The following BTRC variants were observed in gnomAD, a reference collection of about 807,000 sequenced individuals.
The protein encoded by BTRC is F-box/WD repeat-containing protein 1A.
Under a neutral mutation model 85.5 loss-of-function variants are expected in BTRC, and 42 were observed. That is an observed-to-expected ratio of 0.49 (90% CI 0.38 to 0.64). The LOEUF is 0.64. BTRC is among the 30% of genes least tolerant of loss of function. BTRC has a pLI of 0.00. For missense variants in BTRC, 594 were observed against 743.5 expected (o/e 0.80, Z 2.34); for synonymous variants, 255 against 263.3 (o/e 0.97, Z 0.30).
chr10:101,553,378 T>C lies in BTRC; in HGVS notation c.*255T>C, dbSNP rs2062681899. On this transcript the variant is annotated 3_prime_UTR_variant, in exon 15 of 15. Coordinates refer to ENST00000370187, the MANE Select transcript of BTRC (RefSeq NM_033637.4). Reference sequence around the variant, plus strand: ...GATGTCTTCTATCTTTTGTGAATGATTGGAACTTTTAAACCTCCCCTCCTC... The same window carrying C: ...GATGTCTTCTATCTTTTGTGAATGACTGGAACTTTTAAACCTCCCCTCCTC... 6.5e-6 allele frequency: 1 copy of C among 152,682 alleles called. No individual in the cohort carries two copies. The highest frequency in any genetic ancestry group is 6.5e-5 in the Admixed American group (1 of 15,280). 9.5% of individuals were successfully genotyped at this position (152,682 alleles called of 1,614,324 possible). A position where few individuals can be genotyped will look rare whatever the true frequency, so the allele number is the denominator to read the frequency against.
chr10:101,520,684 A>C, intron 4 of BTRC, among the ~76,000 whole-genome samples: 1 of 152,168 alleles, frequency 6.6e-6, no homozygotes, highest in Admixed American at 6.5e-5. Flanking sequence ...TTGGCCGGGC[A>C]CGGTGGCTCA....
At chr10:101,510,752 T>C in intron 4 of BTRC, among the ~76,000 whole-genome samples, 1 of 152,316 alleles carries the variant, frequency 6.6e-6, no homozygotes, top group South Asian at 2.1e-4. Flanking sequence ...AGTATTATAC[T>C]AAAATAAATG....
chr10:101,533,196 C>T (rs1312978198), intron 9 of BTRC, 126 bp downstream of exon 9: 2 of 597,192 alleles, frequency 3.3e-6, no homozygotes, highest in Non-Finnish European at 5.7e-6. Flanking sequence ...CACCAGGTCC[C>T]CATCATTTCT....
chr10:101,378,849 C>T (rs371006666), intron 1 of BTRC, among the ~76,000 whole-genome samples: 6 of 152,060 alleles, frequency 3.9e-5, no homozygotes, highest in South Asian at 2.1e-4. Flanking sequence ...GGAAAACATC[C>T]GCTTTGAAGC....
chr10:101,371,237 T>C (rs1269141953), intron 1 of BTRC, among the ~76,000 whole-genome samples: 1 of 151,814 alleles, frequency 6.6e-6, no homozygotes, highest in Non-Finnish European at 1.5e-5. Flanking sequence ...CAGACTGGAG[T>C]GCAATGAATG....
chr10:101,454,422 G>T (rs1291798783), intron 2 of BTRC, among the ~76,000 whole-genome samples: 1 of 152,170 alleles, frequency 6.6e-6, no homozygotes. Flanking sequence ...TTAAGAATGT[G>T]TAAGACTTGA....
At chr10:101,539,131 G>C (rs1265454841) in intron 13 of BTRC, among the ~76,000 whole-genome samples, 2 of 151,708 alleles carry the variant, frequency 1.3e-5, no homozygotes, top group African/African-American at 4.8e-5. Flanking sequence ...TCATGAGGTA[G>C]TGCCTCCAGC....
intron 8 of BTRC, 151 bp from the exon 9 acceptor site, chr10:101,532,801 C>CGT: frequency 1.7e-6 from 1 of 605,970 alleles, no homozygotes; most frequent in East Asian, 3.0e-5. Context: ...CGCGTGTGCG[C>CGT]GCGCGCGCGC....
intron 1 of BTRC, among the ~76,000 whole-genome samples, chr10:101,367,363 C>T (rs981362272): frequency 6.6e-6 from 1 of 151,778 alleles, no homozygotes; most frequent in Non-Finnish European, 1.5e-5. Flanking sequence ...CCACTCACTG[C>T]GCCTGGCCTA....
At chr10:101,497,042 T>C (rs964664470) in intron 4 of BTRC, among the ~76,000 whole-genome samples, 6 of 152,186 alleles carry the variant, frequency 3.9e-5, no homozygotes, top group African/African-American at 1.4e-4. Context: ...TTTATCTAGT[T>C]TTTATGGTTT....
chr10:101,539,301 G>C (rs2062433063), intron 13 of BTRC, among the ~76,000 whole-genome samples: 1 of 152,230 alleles, frequency 6.6e-6, no homozygotes, highest in Non-Finnish European at 1.5e-5. Flanking sequence ...TGGAGCAACA[G>C]GGTGGACAGA....
chr10:101,414,926 A>G (rs1943888331), intron 1 of BTRC, among the ~76,000 whole-genome samples: 1 of 152,162 alleles, frequency 6.6e-6, no homozygotes. Context: ...AAAAAAATTT[A>G]TAAAGTGAAA....
At chr10:101,519,182 G>A (rs905333938) in intron 4 of BTRC, among the ~76,000 whole-genome samples, 17 of 149,912 alleles carry the variant, frequency 1.1e-4, no homozygotes, top group African/African-American at 4.2e-4. Flanking sequence ...GGGTTCAAGT[G>A]ATTCTCCTGC....
chr10:101,491,671 T>C (rs1481630502), intron 4 of BTRC, among the ~76,000 whole-genome samples: 1 of 151,614 alleles, frequency 6.6e-6, no homozygotes, highest in Non-Finnish European at 1.5e-5. Flanking sequence ...CACTCCAGCC[T>C]GGGTGACAGA....
intron 2 of BTRC, among the ~76,000 whole-genome samples, chr10:101,447,423 T>A (rs12765602): frequency 0.22 from 33,591 of 152,114 alleles, 4,042 homozygotes; most frequent in Middle Eastern, 0.28. Flanking sequence ...TCCTTCATTG[T>A]ATATAGGAGC....
intron 1 of BTRC, among the ~76,000 whole-genome samples, chr10:101,380,393 A>G (rs552738936): frequency 6.6e-6 from 1 of 152,226 alleles, no homozygotes; most frequent in South Asian, 2.1e-4. Flanking sequence ...TTTTTAATTA[A>G]AAAGTAAACT....
At chr10:101,354,463 G>A in intron 1 of BTRC, 1 of 529,328 alleles carries the variant, frequency 1.9e-6, no homozygotes. Flanking sequence ...AAGTGACAGC[G>A]GGAGCTTAAT....
intron 6 of BTRC, among the ~76,000 whole-genome samples, chr10:101,527,874 A>G (rs1291400147): frequency 6.6e-6 from 1 of 152,178 alleles, no homozygotes; most frequent in Non-Finnish European, 1.5e-5. Context: ...ATTTCGCTAC[A>G]TAGAAAAATA....
chr10:101,376,774 T>C (rs1942800417), intron 1 of BTRC, among the ~76,000 whole-genome samples: 1 of 152,066 alleles, frequency 6.6e-6, no homozygotes, highest in Admixed American at 6.6e-5. Flanking sequence ...GGTCATAGGG[T>C]AAGGTGGTGG....
Sources: allele counts gnomAD v4.1 joint callset (sites outside exome capture counted in the v4.1 genomes callset), GRCh38; gene constraint gnomAD v4.1.1; transcripts MANE v1.5; gene names NCBI Gene and HGNC (gene_info 2026-07-23, HGNC 2026-07-21).